CAAP1: variants seen among roughly 807,000 people sequenced by gnomAD.
CAAP1 encodes conserved anti-apoptotic protein.
Under a neutral mutation model 34.0 loss-of-function variants are expected in CAAP1, and 20 were observed. The ratio of observed to expected loss-of-function variants is 0.59; its 90% CI spans 0.41 to 0.86. The LOEUF (loss-of-function observed/expected upper bound fraction) is 0.86. Among genes scored for constraint, CAAP1 ranks in the 40% least tolerant of loss-of-function variants. The pLI is 0.00. For synonymous variants in CAAP1, 213 were observed against 166.7 expected (o/e 1.28, Z -2.14); for missense variants, 538 against 450.5 (o/e 1.19, Z -1.76).
chr9:26,859,274 T>C (rs1380550461), intron 5 of CAAP1, among the ~76,000 whole-genome samples: 1 of 152,200 alleles, frequency 6.6e-6, no homozygotes, highest in African/African-American at 2.4e-5. Flanking sequence ...ATGACTGGTT[T>C]TTCACATGAC....
At chr9:26,856,626 A>C (rs1470343304) in intron 5 of CAAP1, among the ~76,000 whole-genome samples, 1 of 152,180 alleles carries the variant, frequency 6.6e-6, no homozygotes, top group East Asian at 1.9e-4. Context: ...GCCTGTGTCC[A>C]AACACCTTCA....
chr9:26,880,097 G>A (rs1221750654), intron 4 of CAAP1: 3 of 27,514 alleles, frequency 1.1e-4, no homozygotes, highest in African/African-American at 2.8e-4. Flanking sequence ...AAAAATCCGG[G>A]GGGGGGGGGT....
chr9:26,878,960 T>A (rs1750165705), intron 4 of CAAP1, among the ~76,000 whole-genome samples: 1 of 152,190 alleles, frequency 6.6e-6, no homozygotes, highest in African/African-American at 2.4e-5. Context: ...ACATCCATCT[T>A]ACTTTGGAGA....
chr9:26,885,131 C>T (rs1224743128), intron 3 of CAAP1, among the ~76,000 whole-genome samples: 2 of 141,562 alleles, frequency 1.4e-5, no homozygotes, highest in African/African-American at 2.7e-5. Context: ...GGCTGGTGTG[C>T]AGTGGCATGA....
intron 4 of CAAP1, among the ~76,000 whole-genome samples, chr9:26,875,894 A>G (rs1433932161): frequency 6.6e-6 from 1 of 152,194 alleles, no homozygotes; most frequent in African/African-American, 2.4e-5. Context: ...ATAGAAAATA[A>G]CCCTATTGCT....
chr9:26,879,923 G>A (rs1823545050), intron 4 of CAAP1, among the ~76,000 whole-genome samples: 2 of 152,144 alleles, frequency 1.3e-5, no homozygotes, highest in Non-Finnish European at 2.9e-5. Flanking sequence ...ACAGCCTATT[G>A]TGGGACTTTA....
In CAAP1 at chr9:26,840,715, A is replaced by T. The variant is rs1275945927; in HGVS notation, c.*1586T>A. On this transcript the variant is annotated 3_prime_UTR_variant, in exon 6 of 6. Coordinates refer to ENST00000333916, the MANE Select transcript of CAAP1 (RefSeq NM_024828.4). ...GAAGGTGGAGACTTTAATCATCTACAAAGCCCTCAGACCTGTTTTACTTTA... is the reference window on the plus strand; with the variant it reads ...GAAGGTGGAGACTTTAATCATCTACTAAGCCCTCAGACCTGTTTTACTTTA... 1 of 152,214 alleles carries T rather than the reference A, an allele frequency of 6.6e-6. No homozygotes were observed. Among genetic ancestry groups the T allele is most frequent in the Non-Finnish European group, 1.5e-5 (1 of 68,046 alleles). 9.4% of individuals were successfully genotyped at this position (152,214 alleles called of 1,614,324 possible).
rs1485461186 is a variant in CAAP1 at position 26,886,101 on chromosome 9, T to TA, written c.589+2dup. 6.7e-7 allele frequency: 1 copy of TA among 1,502,230 alleles called. No homozygotes were observed. Among genetic ancestry groups the TA allele is most frequent in the Non-Finnish European group, 9.0e-7 (1 of 1,111,828 alleles). The allele number at this position is 1,502,230 out of a possible 1,614,324, so 93.1% of individuals were successfully genotyped here. ...GCCAGAATGTAAAAATATGTATTCT[T>TA]ACCCTCAAGAATCTTCAAAATTTTT... On this transcript the variant is annotated splice_region_variant and intron_variant, in intron 3 of 5. Coordinates refer to ENST00000333916, the MANE Select transcript of CAAP1 (RefSeq NM_024828.4).
intron 4 of CAAP1, among the ~76,000 whole-genome samples, chr9:26,863,763 C>T (rs1015942087): frequency 3.1e-5 from 4 of 130,988 alleles, no homozygotes; most frequent in African/African-American, 1.2e-4. Context: ...TGCTCCCTTC[C>T]GTTTAAATTA....
At chr9:26,864,754 T>C (rs1243600412) in intron 4 of CAAP1, among the ~76,000 whole-genome samples, 1 of 152,212 alleles carries the variant, frequency 6.6e-6, no homozygotes, top group Non-Finnish European at 1.5e-5. Flanking sequence ...CCTTTCCAAC[T>C]TCAAAAATCA....
chr9:26,848,716 CACACTCCTTTTTA>C (rs1212565790), intron 5 of CAAP1, among the ~76,000 whole-genome samples: 6 of 152,058 alleles, frequency 3.9e-5, no homozygotes, highest in African/African-American at 1.4e-4. Flanking sequence ...TATTATGTGG[CACACTCCTTTTTA>C]TTTATATTAG....
intron 1 of CAAP1, among the ~76,000 whole-genome samples, chr9:26,890,931 C>T (rs371926350): frequency 2.0e-5 from 3 of 151,778 alleles, no homozygotes; most frequent in Non-Finnish European, 4.4e-5. Context: ...GGCAACAGAG[C>T]GAGACTCCGT....
At chr9:26,875,214 A>C (rs1412281160) in intron 4 of CAAP1, among the ~76,000 whole-genome samples, 1 of 152,076 alleles carries the variant, frequency 6.6e-6, no homozygotes, top group Non-Finnish European at 1.5e-5. Context: ...GTGAAACCCC[A>C]ACTCTACTAA....
At chr9:26,858,681 G>A (rs1442220438) in intron 5 of CAAP1, among the ~76,000 whole-genome samples, 1 of 152,048 alleles carries the variant, frequency 6.6e-6, no homozygotes, top group Non-Finnish European at 1.5e-5. Flanking sequence ...AAATTAGCCG[G>A]GCGTGGTGGG....
intron 4 of CAAP1, among the ~76,000 whole-genome samples, chr9:26,883,497 C>G (rs1563892745): frequency 6.6e-6 from 1 of 152,110 alleles, no homozygotes; most frequent in Non-Finnish European, 1.5e-5. Context: ...AACATGAAAA[C>G]AGACTAATAC....
intron 4 of CAAP1, among the ~76,000 whole-genome samples, chr9:26,873,718 G>A (rs941522060): frequency 6.6e-6 from 1 of 152,038 alleles, no homozygotes; most frequent in African/African-American, 2.4e-5. Flanking sequence ...ACTTAAAATT[G>A]TTGCGTTGTT....
At chr9:26,874,713 A>G (rs778151206) in intron 4 of CAAP1, among the ~76,000 whole-genome samples, 5 of 152,192 alleles carry the variant, frequency 3.3e-5, no homozygotes, top group Non-Finnish European at 7.3e-5. Context: ...CTGGCACACT[A>G]ACAAAAATTT....
intron 1 of CAAP1, among the ~76,000 whole-genome samples, chr9:26,890,266 G>A (rs567023438): frequency 1.3e-5 from 2 of 151,862 alleles, no homozygotes; most frequent in Non-Finnish European, 2.9e-5. Context: ...AGCTACTCAG[G>A]AGACTGAGCC....
At chr9:26,872,020 T>C (rs1250829973) in intron 4 of CAAP1, among the ~76,000 whole-genome samples, 2 of 152,184 alleles carry the variant, frequency 1.3e-5, no homozygotes, top group African/African-American at 2.4e-5. Flanking sequence ...TGTAACTCTA[T>C]ACACTCATGA....
Sources: allele counts gnomAD v4.1 joint callset (sites outside exome capture counted in the v4.1 genomes callset), GRCh38; gene constraint gnomAD v4.1.1; transcripts MANE v1.5; gene names NCBI Gene and HGNC (gene_info 2026-07-23, HGNC 2026-07-21).